TAFA2: variants seen among roughly 807,000 people sequenced by gnomAD.
The protein encoded by TAFA2 is chemokine-like protein TAFA-2.
A neutral mutation model predicts 18.8 loss-of-function variants in TAFA2; 7 were observed. The observed-to-expected ratio is 0.37, with a 90% confidence interval of 0.21 to 0.70. TAFA2 has a LOEUF of 0.70. Ranked by LOEUF, TAFA2 falls within the 30% of genes least tolerant of loss-of-function variation. The pLI is 0.53. For synonymous variants in TAFA2, 60 were observed against 54.2 expected (o/e 1.11, Z -0.47); for missense variants, 122 against 158.1 (o/e 0.77, Z 1.23).
chr12:61,943,288 G>C (rs1282118300), intron 1 of TAFA2, among the ~76,000 whole-genome samples: 1 of 148,012 alleles, frequency 6.8e-6, no homozygotes, highest in Non-Finnish European at 1.5e-5. Flanking sequence ...TGCCCTAAAA[G>C]AGCTCCTGAA....
chr12:61,938,675 G>A (rs760689971), intron 1 of TAFA2, among the ~76,000 whole-genome samples: 5 of 152,126 alleles, frequency 3.3e-5, no homozygotes, highest in Non-Finnish European at 7.4e-5. Context: ...TGACCAATGA[G>A]TGAATAAAGA....
chr12:62,093,656 T>G (rs2136838336), intron 1 of TAFA2, among the ~76,000 whole-genome samples: 1 of 152,136 alleles, frequency 6.6e-6, no homozygotes, highest in Non-Finnish European at 1.5e-5. Context: ...CACATTCCAG[T>G]GTTGGTGTCA....
chr12:61,813,873 T>C (rs1195495241), intron 2 of TAFA2, among the ~76,000 whole-genome samples: 2 of 151,470 alleles, frequency 1.3e-5, no homozygotes, highest in Non-Finnish European at 2.9e-5. Context: ...TTAGACAAAT[T>C]AAATCACATA....
intron 1 of TAFA2, among the ~76,000 whole-genome samples, chr12:61,928,221 G>A (rs974647760): frequency 1.3e-5 from 2 of 152,152 alleles, no homozygotes; most frequent in African/African-American, 4.8e-5. Context: ...GAGTGTATAG[G>A]CAACCTACAG....
chr12:61,717,198 CG>C (rs149303029), intron 4 of TAFA2, among the ~76,000 whole-genome samples: 3,775 of 152,140 alleles, frequency 0.025, 155 homozygotes, highest in African/African-American at 0.086. Context: ...TTACATTGGT[CG>C]TAACTATATG....
chr12:62,237,348 A>G (rs1456043398), intron 1 of TAFA2, among the ~76,000 whole-genome samples: 1 of 152,236 alleles, frequency 6.6e-6, no homozygotes, highest in Non-Finnish European at 1.5e-5. Flanking sequence ...TTTCAGTTTA[A>G]CAAACGTATT....
At chr12:61,925,629 C>G (rs1212299243) in intron 1 of TAFA2, among the ~76,000 whole-genome samples, 1 of 152,114 alleles carries the variant, frequency 6.6e-6, no homozygotes, top group Admixed American at 6.6e-5. Context: ...AAATTTATAG[C>G]ACTAAGTGCC....
intron 1 of TAFA2, among the ~76,000 whole-genome samples, chr12:62,151,049 C>G (rs950391152): frequency 6.6e-6 from 1 of 151,880 alleles, no homozygotes; most frequent in South Asian, 2.1e-4. Context: ...TTCTAAAACA[C>G]TAATTTCTTT....
chr12:62,147,314 GTGTGTATGTA>G (rs767578669), intron 1 of TAFA2, among the ~76,000 whole-genome samples: 4,951 of 27,138 alleles, frequency 0.18, 248 homozygotes, highest in East Asian at 0.28. Context: ...ATGTGTGTGT[GTGTGTATGTA>G]TGTATATATA....
chr12:61,896,362 T>C (rs1402634575), intron 1 of TAFA2, among the ~76,000 whole-genome samples: 1 of 152,168 alleles, frequency 6.6e-6, no homozygotes, highest in Non-Finnish European at 1.5e-5. Context: ...TTCATGAATG[T>C]AAAAAACATT....
intron 2 of TAFA2, among the ~76,000 whole-genome samples, chr12:61,864,230 T>A (rs1455446824): frequency 1.3e-5 from 2 of 151,970 alleles, no homozygotes; most frequent in African/African-American, 4.8e-5. Context: ...CACAAAATTT[T>A]TCTTAAAAGT....
At chr12:62,018,147 G>T (rs933494753) in intron 1 of TAFA2, among the ~76,000 whole-genome samples, 7 of 152,140 alleles carry the variant, frequency 4.6e-5, no homozygotes, top group African/African-American at 1.7e-4. Context: ...TTTATAAAAT[G>T]TTTGAGAGAA....
chr12:61,730,696 T>C (rs1011744833), intron 4 of TAFA2, among the ~76,000 whole-genome samples: 4 of 152,022 alleles, frequency 2.6e-5, no homozygotes, highest in African/African-American at 9.7e-5. Context: ...GTGGGGAAAG[T>C]TGGCAGTGAC....
chr12:62,072,902 C>T (rs1238507078), intron 1 of TAFA2, among the ~76,000 whole-genome samples: 1 of 152,144 alleles, frequency 6.6e-6, no homozygotes, highest in African/African-American at 2.4e-5. Context: ...TTACTTTAAT[C>T]CTAGGATGAC....
intron 1 of TAFA2, among the ~76,000 whole-genome samples, chr12:62,046,880 T>C (rs920520791): frequency 2.0e-5 from 3 of 152,248 alleles, no homozygotes; most frequent in East Asian, 1.9e-4. Context: ...TTTTAAAGTA[T>C]ACCTTTATTT....
intron 2 of TAFA2, among the ~76,000 whole-genome samples, chr12:61,765,090 A>G (rs1489669796): frequency 6.6e-6 from 1 of 152,070 alleles, no homozygotes; most frequent in Admixed American, 6.6e-5. Flanking sequence ...CAGCTAGGCT[A>G]TTTTCCAGTC....
chr12:61,881,676 C>CCTCAT (rs1875145049), intron 1 of TAFA2, among the ~76,000 whole-genome samples: 1 of 152,102 alleles, frequency 6.6e-6, no homozygotes, highest in Non-Finnish European at 1.5e-5. Flanking sequence ...CCATTGAGGA[C>CCTCAT]ACATGGGAAG....
chr12:61,853,172 T>C (rs1873748652), intron 2 of TAFA2, among the ~76,000 whole-genome samples: 1 of 152,130 alleles, frequency 6.6e-6, no homozygotes, highest in South Asian at 2.1e-4. Flanking sequence ...TATATGCAAT[T>C]TTTATTTGTC....
At chr12:61,787,246 C>T (rs1402027218) in intron 2 of TAFA2, among the ~76,000 whole-genome samples, 2 of 151,358 alleles carry the variant, frequency 1.3e-5, no homozygotes, top group Non-Finnish European at 3.0e-5. Context: ...AGAATAATGC[C>T]CTTCCCTGAC....
Sources: allele counts gnomAD v4.1 joint callset (sites outside exome capture counted in the v4.1 genomes callset), GRCh38; gene constraint gnomAD v4.1.1; transcripts MANE v1.5; gene names NCBI Gene and HGNC (gene_info 2026-07-23, HGNC 2026-07-21).